The following ARHGAP24 variants were observed in gnomAD, a reference collection of about 807,000 sequenced individuals.
ARHGAP24 encodes the protein Rho GTPase activating protein 24.
In ARHGAP24, 50 loss-of-function variants were observed where a neutral mutation model predicts 76.4. The ratio of observed to expected loss-of-function variants is 0.65; its 90% confidence interval spans 0.52 to 0.83. The LOEUF (loss-of-function observed/expected upper bound fraction) is 0.83. ARHGAP24 is among the 40% of genes least tolerant of loss of function. ARHGAP24 has a pLI of 0.00. For synonymous variants in ARHGAP24, 345 were observed against 323.3 expected (o/e 1.07, Z -0.72); for missense variants, 930 against 914.2 (o/e 1.02, Z -0.22).
chr4:85,648,756 G>T (rs1005746987), intron 2 of ARHGAP24, among the ~76,000 whole-genome samples: 1 of 151,992 alleles, frequency 6.6e-6, no homozygotes, highest in Admixed American at 6.6e-5. Context: ...ATTTCTGCTG[G>T]TCTATTATCT....
At chr4:85,920,078 A>C (rs1735642559) in intron 3 of ARHGAP24, among the ~76,000 whole-genome samples, 1 of 152,166 alleles carries the variant, frequency 6.6e-6, no homozygotes, top group Non-Finnish European at 1.5e-5. Flanking sequence ...GAAAGATAAC[A>C]CTTTTAGAAC....
rs184494636 is a variant in ARHGAP24, at chr4:85,975,286, C to A, written c.806+325C>A. On this transcript the variant is annotated intron_variant, in intron 7 of 9. Transcript: ENST00000395184. ...GCCACCTTGGCATGAGAAACATCTGCATGGGAGCCAAGATTGTGCCATTGA... is the reference window on the plus strand; with the variant it reads ...GCCACCTTGGCATGAGAAACATCTGAATGGGAGCCAAGATTGTGCCATTGA... Among the ~76,000 whole-genome samples the A allele has an allele frequency of 7.2e-5, 11 of 152,280 alleles. No individual in the cohort carries two copies. The East Asian group carries it at 2.1e-3, about 29-fold the overall frequency.
chr4:85,547,327 A>G (rs1201319372), intron 1 of ARHGAP24, among the ~76,000 whole-genome samples: 1 of 152,172 alleles, frequency 6.6e-6, no homozygotes, highest in Non-Finnish European at 1.5e-5. Flanking sequence ...CTGTTTATCC[A>G]TAATTGGATT....
At chr4:85,719,504 AG>A (rs1724851373) in intron 2 of ARHGAP24, among the ~76,000 whole-genome samples, 1 of 152,208 alleles carries the variant, frequency 6.6e-6, no homozygotes, top group South Asian at 2.1e-4. Context: ...CAAACCAAGT[AG>A]GTTGAAAATT....
At chr4:85,616,943 T>TA (rs1720561030) in intron 2 of ARHGAP24, among the ~76,000 whole-genome samples, 2 of 152,050 alleles carry the variant, frequency 1.3e-5, no homozygotes, top group East Asian at 3.9e-4. Context: ...CTTTTATAAA[T>TA]AAAGTTTTTT....
At chr4:85,804,798 C>T (rs1728722564) in intron 3 of ARHGAP24, among the ~76,000 whole-genome samples, 1 of 152,156 alleles carries the variant, frequency 6.6e-6, no homozygotes, top group Non-Finnish European at 1.5e-5. Context: ...ATTAGCTGTA[C>T]ACTCAGAATG....
chr4:85,564,969 T>TATATATAC (rs1553914961), intron 1 of ARHGAP24, among the ~76,000 whole-genome samples: 1 of 105,350 alleles, frequency 9.5e-6, no homozygotes, highest in Non-Finnish European at 2.0e-5. Flanking sequence ...TATATATATA[T>TATATATAC]ACCCACACCC....
intron 3 of ARHGAP24, among the ~76,000 whole-genome samples, chr4:85,863,960 A>G (rs928370126): frequency 6.6e-6 from 1 of 152,082 alleles, no homozygotes; most frequent in Non-Finnish European, 1.5e-5. Context: ...TCTGATTTAG[A>G]TAGGACTCAT....
At chr4:85,774,020 G>A (rs1361652636) in intron 3 of ARHGAP24, among the ~76,000 whole-genome samples, 1 of 152,140 alleles carries the variant, frequency 6.6e-6, no homozygotes, top group Admixed American at 6.5e-5. Flanking sequence ...CAGTGCTCAG[G>A]CAAGAAATTC....
At chr4:85,879,835 C>T (rs1053377706) in intron 3 of ARHGAP24, among the ~76,000 whole-genome samples, 1 of 152,038 alleles carries the variant, frequency 6.6e-6, no homozygotes, top group Non-Finnish European at 1.5e-5. Context: ...GAATGGAAGA[C>T]AGTTTTTTCA....
At chr4:85,916,575 GACA>G (rs1735412850) in intron 3 of ARHGAP24, among the ~76,000 whole-genome samples, 1 of 152,104 alleles carries the variant, frequency 6.6e-6, no homozygotes, top group Non-Finnish European at 1.5e-5. Flanking sequence ...TATTCTAAAT[GACA>G]ATTAAATGAC....
chr4:85,627,674 C>T (rs1721010390), intron 2 of ARHGAP24, among the ~76,000 whole-genome samples: 1 of 152,206 alleles, frequency 6.6e-6, no homozygotes. Flanking sequence ...AGAAGTGGAG[C>T]CTACAGACGC....
intron 3 of ARHGAP24, among the ~76,000 whole-genome samples, chr4:85,741,910 C>T (rs1218914248): frequency 1.3e-5 from 2 of 151,786 alleles, no homozygotes; most frequent in African/African-American, 4.8e-5. Context: ...TTATGTAGTT[C>T]AAAGACCAAA....
chr4:85,559,434 T>C (rs1211779715), intron 1 of ARHGAP24, among the ~76,000 whole-genome samples: 1 of 152,220 alleles, frequency 6.6e-6, no homozygotes, highest in African/African-American at 2.4e-5. Flanking sequence ...AGATCTACTC[T>C]TAGCAATGTT....
intron 3 of ARHGAP24, among the ~76,000 whole-genome samples, chr4:85,915,646 C>A (rs1247257563): frequency 2.6e-5 from 4 of 151,972 alleles, no homozygotes; most frequent in Non-Finnish European, 5.9e-5. Context: ...GTTCAACTCC[C>A]ACTTATGAGT....
chr4:85,956,014 A>G (rs75560921), intron 5 of ARHGAP24, among the ~76,000 whole-genome samples: 2 of 152,184 alleles, frequency 1.3e-5, no homozygotes, highest in Non-Finnish European at 2.9e-5. Flanking sequence ...TAGAGCCTCA[A>G]TATCATAGTG....
At chr4:85,594,920 A>C (rs1578064118) in intron 2 of ARHGAP24, among the ~76,000 whole-genome samples, 2 of 152,194 alleles carry the variant, frequency 1.3e-5, no homozygotes, top group East Asian at 3.9e-4. Context: ...TAGTCTATTT[A>C]GAAAAATGAA....
intron 2 of ARHGAP24, among the ~76,000 whole-genome samples, chr4:85,578,018 A>T (rs1478535788): frequency 1.3e-5 from 2 of 152,140 alleles, no homozygotes; most frequent in Non-Finnish European, 2.9e-5. Context: ...TTATCTTGGG[A>T]CCTTACATTT....
intron 1 of ARHGAP24, among the ~76,000 whole-genome samples, chr4:85,525,164 T>A (rs1223622765): frequency 6.6e-6 from 1 of 152,134 alleles, no homozygotes; most frequent in Non-Finnish European, 1.5e-5. Flanking sequence ...AATTGCAGTA[T>A]TATTTATATG....
Sources: allele counts gnomAD v4.1 joint callset (sites outside exome capture counted in the v4.1 genomes callset), GRCh38; gene constraint gnomAD v4.1.1; transcripts MANE v1.5; gene names NCBI Gene and HGNC (gene_info 2026-07-23, HGNC 2026-07-21).